The following MFNG variants were observed in gnomAD, a reference collection of about 807,000 sequenced individuals.
MFNG encodes beta-1,3-N-acetylglucosaminyltransferase manic fringe.
A neutral mutation model predicts 34.2 loss-of-function variants in MFNG; 24 were observed. The ratio of observed to expected loss-of-function variants is 0.70; its 90% confidence interval spans 0.51 to 0.99. The LOEUF is 0.99. MFNG is among the 50% of genes least tolerant of loss of function. The probability of loss-of-function intolerance (pLI) is 0.00; values close to 1 mark genes in which losing one functional copy is unlikely to be tolerated. For missense variants in MFNG, 383 were observed against 424.0 expected (o/e 0.90, Z 0.85); for synonymous variants, 158 against 179.2 (o/e 0.88, Z 0.94).
At chr22:37,480,339 C>A (rs772256380) in intron 2 of MFNG, 40 bp from the exon 3 acceptor site, 1 of 1,527,228 alleles carries the variant, frequency 6.5e-7, no homozygotes, top group African/African-American at 1.4e-5. Flanking sequence ...CTGCCCAGGT[C>A]CCCCCTTCAG....
At chr22:37,472,122 C>G (rs1921833755) in intron 7 of MFNG, among the ~76,000 whole-genome samples, 1 of 152,166 alleles carries the variant, frequency 6.6e-6, no homozygotes, top group South Asian at 2.1e-4. Context: ...TGCCTGTGCT[C>G]AGGGAAGGCA....
chr22:37,479,408 A>G lies in MFNG; in HGVS notation c.498T>C (p.Tyr166=), dbSNP rs147087271. The change falls in exon 4 of 8, where the codon TAT becomes TAC. Residue 166 remains tyrosine, a synonymous_variant. Transcript: ENST00000356998. ...LRAFPLARDV[Y]VGRPSLNRPI... is the part of the protein sequence containing the mutation. The stretch of plus-strand genomic sequence containing the variant: ...GCCGGTTCAGGCTGGGCCTTCCCAC[A>G]TAGACGTCGCGGGCCAGCGGGAAGG... 3,511 of 1,609,390 alleles carry G rather than the reference A, an allele frequency of 2.2e-3. 83 individuals carry two copies. The African/African-American group carries it at 0.043, about 20-fold the overall frequency.
At chr22:37,476,859 T>G in intron 5 of MFNG, 37 bp downstream of exon 5, 205 of 710,234 alleles carry the variant, frequency 2.9e-4, no homozygotes, top group Non-Finnish European at 4.4e-4. Context: ...TGCCACCCCC[T>G]CCCCGCCTTC....
At chr22:37,475,899 G>A (rs913595525) in intron 5 of MFNG, among the ~76,000 whole-genome samples, 4 of 152,190 alleles carry the variant, frequency 2.6e-5, no homozygotes, top group East Asian at 3.9e-4. Context: ...CAATGAGCCC[G>A]CTCTTGTCCA....
chr22:37,479,100 G>T (rs372427362), intron 4 of MFNG, among the ~76,000 whole-genome samples: 3 of 152,226 alleles, frequency 2.0e-5, no homozygotes, highest in African/African-American at 7.2e-5. Flanking sequence ...ACAAGCCGTG[G>T]TTCCTGGGGG....
chr22:37,480,506 T>C (rs376256416), intron 2 of MFNG, among the ~76,000 whole-genome samples: 8 of 152,212 alleles, frequency 5.3e-5, no homozygotes, highest in Non-Finnish European at 5.9e-5. Context: ...GGGACTCAGG[T>C]GTCCAGGGCC....
intron 5 of MFNG, 108 bp from the exon 6 acceptor site, chr22:37,474,785 C>T: frequency 8.4e-7 from 1 of 1,193,034 alleles, no homozygotes; most frequent in Non-Finnish European, 1.2e-6. Context: ...GAACAGAGCA[C>T]CTGCCTCCTG....
chr22:37,469,837 C>T lies in MFNG; in HGVS notation c.*126G>A. ...ATTGCCACTCAGATCCTGGGCTTGC[C>T]AACCACCCGAAGGCCCTGCCAGGGA... On this transcript the variant is annotated 3_prime_UTR_variant, in exon 8 of 8. Transcript: ENST00000356998. 1.2e-6 allele frequency: 1 copy of T among 826,078 alleles called. No individual in the cohort carries two copies. Among genetic ancestry groups the T allele is most frequent in the South Asian group, 1.4e-5 (1 of 69,162 alleles). 51.2% of individuals were successfully genotyped at this position (826,078 alleles called of 1,614,324 possible). A position where few individuals can be genotyped will look rare whatever the true frequency, so the allele number is the denominator to read the frequency against.
chr22:37,486,282 C>T lies in MFNG; in HGVS notation c.-105G>A. 1 of 1,306,498 alleles carries T rather than the reference C, an allele frequency of 7.7e-7. No individual in the cohort carries two copies. Among genetic ancestry groups the T allele is most frequent in the African/African-American group, 1.5e-5 (1 of 66,898 alleles). 80.9% of individuals were successfully genotyped at this position (1,306,498 alleles called of 1,614,324 possible). On this transcript the variant is annotated 5_prime_UTR_variant, in exon 1 of 8. The change abolishes an upstream ATG in the 5' untranslated region. Coordinates refer to ENST00000356998, the MANE Select transcript of MFNG (RefSeq NM_002405.4). ...CCAGCAGAGGCAAAAGTCTGGCAGG[C>T]ATCAGGGGCTGGCAAGGAGGGAAGA...
In MFNG at chr22:37,469,806, G is replaced by T. The variant is rs1921724158; in HGVS notation, c.*157C>A. The T allele has an allele frequency of 2.8e-6, 2 of 726,926 alleles. No individual in the cohort carries two copies. Among genetic ancestry groups the T allele is most frequent in the Admixed American group, 4.0e-5 (2 of 49,680 alleles). The allele number at this position is 726,926 out of a possible 1,614,324, so 45.0% of individuals were successfully genotyped here. On this transcript the variant is annotated 3_prime_UTR_variant, in exon 8 of 8. Transcript: ENST00000356998. ...CTCCCAGGGGCCTGGGGTGCCTTCAGTGCCAATTGCCACTCAGATCCTGGG... is the reference window on the plus strand; with the variant it reads ...CTCCCAGGGGCCTGGGGTGCCTTCATTGCCAATTGCCACTCAGATCCTGGG...
In MFNG at chr22:37,480,344, C is replaced by G. The variant is rs747048005; in HGVS notation, c.305-45G>C. 4.2e-6 allele frequency: 6 copies of G among 1,440,096 alleles called. No individual in the cohort carries two copies. In the East Asian group the frequency reaches 1.4e-4, roughly 33 times the overall value. The allele number at this position is 1,440,096 out of a possible 1,614,324, so 89.2% of individuals were successfully genotyped here. A position where few individuals can be genotyped will look rare whatever the true frequency, so the allele number is the denominator to read the frequency against. ...TCAGGGGACCCTGCCCAGGTCCCCC[C>G]TTCAGAGCCCTGAACACAGAATACA... On this transcript the variant is annotated intron_variant, in intron 2 of 7. Transcript: ENST00000356998.
intron 3 of MFNG, among the ~76,000 whole-genome samples, chr22:37,479,830 C>T (rs1922210459): frequency 6.6e-6 from 1 of 152,022 alleles, no homozygotes; most frequent in African/African-American, 2.4e-5. Context: ...ATGGTGAAAC[C>T]CCGTCTCTAC....
At chr22:37,477,059 A>AC (rs1200014842) in intron 4 of MFNG, 78 bp from the exon 5 acceptor site, 1 of 1,228,780 alleles carries the variant, frequency 8.1e-7, no homozygotes. Flanking sequence ...GCCACCCTTC[A>AC]CCCCCAACCA....
rs57041425 is a variant in MFNG, at chr22:37,472,804, C to T, written c.814-276G>A. ...CCATCTACAGATTTGGAAACTGAGGCTCAACAGGAAAAGGCAGCTTTCCAG... is the reference window on the plus strand; with the variant it reads ...CCATCTACAGATTTGGAAACTGAGGTTCAACAGGAAAAGGCAGCTTTCCAG... On this transcript the variant is annotated intron_variant, in intron 6 of 7. Transcript: ENST00000356998. The T allele has an allele frequency of 1.3e-3, 438 of 329,066 alleles. 2 individuals are homozygous for T. The highest frequency in any genetic ancestry group is 8.9e-3 in the African/African-American group (409 of 45,900). 20.4% of individuals were successfully genotyped at this position (329,066 alleles called of 1,614,324 possible).
In MFNG at chr22:37,474,822, G is replaced by C. The variant is rs941790620; in HGVS notation, c.648-145C>G. ...ATACTGTATGACCTTGAGCAAGTCA[G>C]GAACCTTGGGGAGCCTCAGCCTCAG... On this transcript the variant is annotated intron_variant, in intron 5 of 7. Transcript: ENST00000356998. 6.2e-6 allele frequency: 5 copies of C among 810,360 alleles called. No homozygotes were observed. The African/African-American group carries it at 7.1e-5, about 11-fold the overall frequency. The allele number at this position is 810,360 out of a possible 1,614,324, so 50.2% of individuals were successfully genotyped here.
At chr22:37,474,439 G>A (rs994321796) in intron 6 of MFNG, 73 bp downstream of exon 6, 1 of 1,545,822 alleles carries the variant, frequency 6.5e-7, no homozygotes, top group Non-Finnish European at 8.8e-7. Context: ...AACGCCAGGA[G>A]GGAGGGTTGG....
chr22:37,480,277 G>A lies in MFNG; in HGVS notation c.327C>T (p.Asn109=), dbSNP rs748308130. 3 of 1,613,810 alleles carry A rather than the reference G, an allele frequency of 1.9e-6. No homozygotes were observed. The highest frequency in any genetic ancestry group is 2.5e-6 in the Non-Finnish European group (3 of 1,179,698). ...CTGGGTGGCTGTGTTCCGCGGAGCA[G>A]TTGGTGACCACAAGGTGGGACCCTG... The part of the protein sequence containing the change: ...ERLGSHLVVT[N]CSAEHSHPAL... The change falls in exon 3 of 8, where the codon AAC becomes AAT. Residue 109 remains asparagine (N), a synonymous_variant. Transcript: ENST00000356998.
chr22:37,481,393 A>C (rs1357649494), intron 1 of MFNG: 2 of 152,814 alleles, frequency 1.3e-5, no homozygotes, highest in African/African-American at 4.8e-5. Context: ...GACAAAAAGG[A>C]GGCTGAGTGA....
In MFNG at chr22:37,482,396, C is replaced by T. The variant is rs112488893; in HGVS notation, c.256-1627G>A. ...TAGTCTGATCTCATTACTTCCTGTC[C>T]ACCCCTGGGGCTTCTCTCTCTGTCT... is the stretch of plus-strand genomic sequence containing the variant. On this transcript the variant is annotated intron_variant, in intron 1 of 7. Coordinates refer to ENST00000356998, the MANE Select transcript of MFNG (RefSeq NM_002405.4). This position sits in a 1 kb window ranked among gnomAD's most constrained non-coding sequence, Gnocchi z 4.1. Among the ~76,000 whole-genome samples, 206 of 152,174 alleles carry T rather than the reference C, an allele frequency of 1.4e-3. 1 individual carries two copies. The highest frequency in any genetic ancestry group is 4.7e-3 in the African/African-American group (196 of 41,494).
Sources: gnomAD v4.1 joint callset for allele counts (sites outside exome capture counted in the v4.1 genomes callset) on GRCh38, gnomAD v4.1.1 for gene constraint, Gnocchi (gnomAD v3.1) non-coding constraint, MANE v1.5 for transcripts, NCBI Gene and HGNC (gene_info 2026-07-23, HGNC 2026-07-21) for gene names.